PIK3CB: variants seen among roughly 807,000 people sequenced by gnomAD.
PIK3CB encodes phosphatidylinositol 4,5-bisphosphate 3-kinase catalytic subunit beta isoform.
In PIK3CB, 39 loss-of-function variants were observed where a neutral mutation model predicts 136.8. The observed-to-expected ratio is 0.29, with a 90% CI of 0.22 to 0.37. PIK3CB has a LOEUF of 0.37. Ranked by LOEUF, PIK3CB falls within the 10% of genes least tolerant of loss-of-function variation. The pLI is 1.00. For missense variants in PIK3CB, 868 were observed against 1,275.4 expected (o/e 0.68, Z 4.87); for synonymous variants, 428 against 436.6 (o/e 0.98, Z 0.25).
intron 2 of PIK3CB, among the ~76,000 whole-genome samples, chr3:138,784,446 T>C (rs1293630527): frequency 6.6e-6 from 1 of 151,930 alleles, no homozygotes; most frequent in South Asian, 2.1e-4. Context: ...TCCGTCTCCG[T>C]CTCCCACTTT....
intron 1 of PIK3CB, chr3:138,826,047 C>T: frequency 7.7e-7 from 1 of 1,290,724 alleles, no homozygotes; most frequent in African/African-American, 1.4e-5. Flanking sequence ...GCTTACACAG[C>T]TTGCAAGTTT....
Position 138,694,913 on chromosome 3 carries a change from TA to T in PIK3CB, c.1771-7del. On this transcript the variant is annotated splice_region_variant and splice_polypyrimidine_tract_variant and intron_variant, in intron 13 of 23. Transcript: ENST00000674063. ...ATCTGAAGCAGCGCCTGAAGCTGTTTAAAAAATGAAACTGGTTCAGAAATAA... is the reference window on the plus strand; with the variant it reads ...ATCTGAAGCAGCGCCTGAAGCTGTTTAAAAATGAAACTGGTTCAGAAATAA... The T allele has an allele frequency of 6.3e-7, 1 of 1,588,376 alleles. No individual in the cohort carries two copies. Among genetic ancestry groups the T allele is most frequent in the South Asian group, 1.2e-5 (1 of 86,110 alleles).
intron 2 of PIK3CB, among the ~76,000 whole-genome samples, chr3:138,772,941 G>A (rs1386403253): frequency 1.3e-5 from 2 of 151,442 alleles, no homozygotes; most frequent in East Asian, 2.0e-4. Context: ...GCCTGCCACC[G>A]TGCCTGGCTA....
intron 2 of PIK3CB, among the ~76,000 whole-genome samples, chr3:138,789,956 T>C (rs2046029830): frequency 2.0e-5 from 3 of 152,154 alleles, no homozygotes; most frequent in South Asian, 4.1e-4. Flanking sequence ...CCCAAAGTGC[T>C]AGGATTACAG....
chr3:138,799,198 G>C (rs1249865766), intron 1 of PIK3CB, among the ~76,000 whole-genome samples: 1 of 128,622 alleles, frequency 7.8e-6, no homozygotes, highest in Non-Finnish European at 1.6e-5. Flanking sequence ...TTTTTTTTGA[G>C]ACAGAGTCTC....
intron 1 of PIK3CB, among the ~76,000 whole-genome samples, chr3:138,808,160 C>T (rs1194491940): frequency 6.6e-6 from 1 of 152,092 alleles, no homozygotes; most frequent in Non-Finnish European, 1.5e-5. Flanking sequence ...ATCCACTGCT[C>T]AGCAAGTTCC....
chr3:138,817,198 C>T (rs1466237025), intron 1 of PIK3CB, among the ~76,000 whole-genome samples: 2 of 152,082 alleles, frequency 1.3e-5, no homozygotes, highest in Admixed American at 6.6e-5. Flanking sequence ...ATTAGCCGGG[C>T]GAGGTGGTGG....
chr3:138,691,242 T>C, intron 14 of PIK3CB, 99 bp from the exon 15 acceptor site: 2 of 1,090,276 alleles, frequency 1.8e-6, no homozygotes, highest in African/African-American at 1.6e-5. Flanking sequence ...TGAAACACAA[T>C]GGTTCTTTTG....
At chr3:138,710,187 C>T (rs963597791) in intron 10 of PIK3CB, among the ~76,000 whole-genome samples, 1 of 151,632 alleles carries the variant, frequency 6.6e-6, no homozygotes, top group African/African-American at 2.4e-5. Flanking sequence ...CTGAGTCAAA[C>T]AAACAAACAA....
chr3:138,677,054 C>A (rs2043661206), intron 19 of PIK3CB, among the ~76,000 whole-genome samples: 2 of 135,252 alleles, frequency 1.5e-5, no homozygotes, highest in East Asian at 5.5e-4. Context: ...AACTATTATG[C>A]AAGATTTTTT....
chr3:138,826,889 T>C (rs533696993), intron 1 of PIK3CB, among the ~76,000 whole-genome samples: 1 of 151,772 alleles, frequency 6.6e-6, no homozygotes, highest in Non-Finnish European at 1.5e-5. Context: ...ACTAACATGG[T>C]AAAAACCCCG....
chr3:138,658,387 C>T (rs1471747989), intron 21 of PIK3CB, among the ~76,000 whole-genome samples: 2 of 152,038 alleles, frequency 1.3e-5, no homozygotes, highest in African/African-American at 4.8e-5. Flanking sequence ...GAGGTCGAGG[C>T]TGCAATGGGC....
intron 19 of PIK3CB, 135 bp downstream of exon 19, chr3:138,681,832 C>A: frequency 1.8e-6 from 1 of 549,170 alleles, no homozygotes; most frequent in Non-Finnish European, 3.2e-6. Context: ...AAAGTACATT[C>A]TAAAGTGCTA....
chr3:138,681,093 CTG>C (rs1559809990), intron 19 of PIK3CB, among the ~76,000 whole-genome samples: 2 of 143,670 alleles, frequency 1.4e-5, no homozygotes, highest in Non-Finnish European at 3.0e-5. Flanking sequence ...GTCATCCAGC[CTG>C]GAGTGTAGTG....
chr3:138,692,887 A>G (rs2044038887), intron 14 of PIK3CB, among the ~76,000 whole-genome samples: 1 of 152,190 alleles, frequency 6.6e-6, no homozygotes, highest in Admixed American at 6.6e-5. Context: ...GCACCATCCA[A>G]GGGAGACTGT....
intron 1 of PIK3CB, among the ~76,000 whole-genome samples, chr3:138,830,591 G>A (rs930833381): frequency 1.3e-5 from 2 of 151,286 alleles, no homozygotes; most frequent in Non-Finnish European, 2.9e-5. Context: ...AAAGGAACAA[G>A]TCCAAGAGAA....
intron 1 of PIK3CB, among the ~76,000 whole-genome samples, chr3:138,798,295 G>T (rs1310267280): frequency 6.6e-6 from 1 of 152,160 alleles, no homozygotes; most frequent in Admixed American, 6.5e-5. Context: ...CTCCCAGGTA[G>T]CTGGGACTAG....
chr3:138,744,599 C>T (rs915869121), intron 4 of PIK3CB, among the ~76,000 whole-genome samples: 1 of 151,852 alleles, frequency 6.6e-6, no homozygotes, highest in South Asian at 2.1e-4. Flanking sequence ...AGATATACAT[C>T]ATAATTTCTG....
At chr3:138,768,552 C>T (rs1247960319) in intron 2 of PIK3CB, among the ~76,000 whole-genome samples, 1 of 152,196 alleles carries the variant, frequency 6.6e-6, no homozygotes, top group Non-Finnish European at 1.5e-5. Flanking sequence ...GCCTTCAGAC[C>T]CTCCCTGGCC....
Sources: allele counts gnomAD v4.1 joint callset (sites outside exome capture counted in the v4.1 genomes callset), GRCh38; gene constraint gnomAD v4.1.1; transcripts MANE v1.5; gene names NCBI Gene and HGNC (gene_info 2026-07-23, HGNC 2026-07-21).